The following AGPS variants were observed in gnomAD, a reference collection of about 807,000 sequenced individuals.
AGPS encodes alkyldihydroxyacetonephosphate synthase, peroxisomal.
Under a neutral mutation model 90.7 loss-of-function variants are expected in AGPS, and 26 were observed. The observed-to-expected ratio is 0.29, with a 90% confidence interval of 0.21 to 0.40. The LOEUF (loss-of-function observed/expected upper bound fraction) is 0.40. AGPS is among the 10% of genes least tolerant of loss of function. The pLI, the probability that AGPS is intolerant of heterozygous loss-of-function variation, is 1.00. For synonymous variants in AGPS, 294 were observed against 285.3 expected, an observed-to-expected ratio of 1.03 and a Z score of -0.31; for missense variants, 540 against 816.1, an observed-to-expected ratio of 0.66 and a Z score of 4.12.
chr2:177,534,546 C>G (rs74754224), intron 19 of AGPS, among the ~76,000 whole-genome samples: 1 of 97,994 alleles, frequency 1.0e-5, no homozygotes, highest in Non-Finnish European at 1.9e-5. Context: ...CAGCCCCCCA[C>G]CCCCCGCCCC....
chr2:177,525,406 G>A (rs1264081274), intron 19 of AGPS, among the ~76,000 whole-genome samples: 2 of 152,212 alleles, frequency 1.3e-5, no homozygotes, highest in East Asian at 1.9e-4. Context: ...CAGAGGAAGC[G>A]AAATGATTTA....
intron 3 of AGPS, among the ~76,000 whole-genome samples, chr2:177,435,024 T>TATATATAC (rs1686361550): frequency 6.8e-6 from 1 of 147,042 alleles, no homozygotes; most frequent in Non-Finnish European, 1.5e-5. Context: ...TATATATATA[T>TATATATAC]GTATGAAACT....
chr2:177,393,171 G>T (rs1559027527), intron 1 of AGPS, 122 bp downstream of exon 1: 3 of 1,546,370 alleles, frequency 1.9e-6, no homozygotes, highest in Non-Finnish European at 2.6e-6. Context: ...CCCGGTCCCT[G>T]AAAGTAGGGA....
In AGPS at chr2:177,538,150, A is replaced by G. The variant is rs867106522; in HGVS notation, c.1932A>G (p.Glu644=). The G allele has an allele frequency of 6.2e-7, 1 of 1,613,084 alleles. No homozygotes were observed. Among genetic ancestry groups the G allele is most frequent in the African/African-American group, 1.3e-5 (1 of 74,986 alleles). ...VGFGMLKSVK[E]YVDPNNIFGN... is the part of the protein sequence containing the mutation. ...TTGGGATGCTGAAGTCTGTCAAGGA[A>G]TATGTGGACCCCAATAACATCTTTG... Residue 644 remains glutamate, a synonymous_variant, in exon 20 of 20, where the codon GAA becomes GAG. Coordinates refer to ENST00000264167, the MANE Select transcript of AGPS (RefSeq NM_003659.4).
At chr2:177,411,442 A>G (rs1416694673) in intron 1 of AGPS, among the ~76,000 whole-genome samples, 1 of 152,070 alleles carries the variant, frequency 6.6e-6, no homozygotes, top group Non-Finnish European at 1.5e-5. Context: ...TGCAGCACCA[A>G]TCTCCATGTT....
intron 8 of AGPS, among the ~76,000 whole-genome samples, chr2:177,457,027 G>A (rs1017727619): frequency 2.3e-4 from 35 of 152,146 alleles, no homozygotes; most frequent in Non-Finnish European, 4.3e-4. Context: ...TAGAACTCAG[G>A]AATAAGAAAC....
At chr2:177,460,467 A>G (rs1217057357) in intron 8 of AGPS, among the ~76,000 whole-genome samples, 1 of 152,228 alleles carries the variant, frequency 6.6e-6, no homozygotes, top group Non-Finnish European at 1.5e-5. Context: ...CACTTAAAAA[A>G]TTAGTTAAAG....
At chr2:177,402,363 A>G (rs1191423856) in intron 1 of AGPS, among the ~76,000 whole-genome samples, 1 of 152,248 alleles carries the variant, frequency 6.6e-6, no homozygotes, top group Non-Finnish European at 1.5e-5. Flanking sequence ...GACTCAATTC[A>G]TATCCCCTCA....
chr2:177,474,840 G>A (rs1687735774), intron 10 of AGPS, among the ~76,000 whole-genome samples: 1 of 152,206 alleles, frequency 6.6e-6, no homozygotes, highest in Middle Eastern at 3.4e-3. Flanking sequence ...GTCCAATTTT[G>A]TCTTTGGCTT....
chr2:177,407,291 T>G (rs2105593310), intron 1 of AGPS, among the ~76,000 whole-genome samples: 1 of 152,214 alleles, frequency 6.6e-6, no homozygotes, highest in East Asian at 1.9e-4. Context: ...AAGAATAGAG[T>G]GCTAAAATAG....
intron 11 of AGPS, among the ~76,000 whole-genome samples, chr2:177,492,729 G>C (rs1418549802): frequency 6.6e-6 from 1 of 151,940 alleles, no homozygotes; most frequent in African/African-American, 2.4e-5. Flanking sequence ...TACCTTTACT[G>C]TGGATAAAAT....
At chr2:177,411,623 A>G (rs1162281091) in intron 1 of AGPS, among the ~76,000 whole-genome samples, 1 of 152,204 alleles carries the variant, frequency 6.6e-6, no homozygotes, top group East Asian at 1.9e-4. Context: ...TTAGTGTCTG[A>G]TCTAGCAGTA....
Position 177,513,615 on chromosome 2 carries a change from GA to G in AGPS, c.1608-198del, listed in dbSNP as rs1180420486. Among the ~76,000 whole-genome samples, 75 of 152,020 alleles carry G rather than the reference GA, an allele frequency of 4.9e-4. 2 individuals carry two copies. The highest frequency in any genetic ancestry group is 8.8e-5 in the Non-Finnish European group (6 of 67,990). On this transcript the variant is annotated intron_variant, in intron 16 of 19. Transcript: ENST00000264167. The stretch of plus-strand genomic sequence containing the variant: ...TTCTGTTTTCCTTAAGTCAAAAAAA[GA>G]AAAAACTTTCTTCTTTTTGAAGTTA...
At chr2:177,511,124 G>T (rs1244813445) in intron 16 of AGPS, among the ~76,000 whole-genome samples, 1 of 152,020 alleles carries the variant, frequency 6.6e-6, no homozygotes, top group Non-Finnish European at 1.5e-5. Context: ...GTTGAGATGG[G>T]ATCTCGCTCT....
intron 1 of AGPS, among the ~76,000 whole-genome samples, chr2:177,403,612 GA>G (rs2105589107): frequency 6.6e-6 from 1 of 152,202 alleles, no homozygotes; most frequent in South Asian, 2.1e-4. Context: ...TTTTGTTGCA[GA>G]AAAAAATAGA....
chr2:177,474,024 A>G (rs1036521558), intron 10 of AGPS, among the ~76,000 whole-genome samples: 1 of 152,258 alleles, frequency 6.6e-6, no homozygotes, highest in Non-Finnish European at 1.5e-5. Context: ...CTAGTACCTT[A>G]GAATTTTGAT....
chr2:177,526,657 C>T (rs575632760), intron 19 of AGPS, among the ~76,000 whole-genome samples: 6 of 152,214 alleles, frequency 3.9e-5, no homozygotes, highest in African/African-American at 1.2e-4. Context: ...AAATATTATA[C>T]CATTTCAAAA....
rs1686335959 is a variant in AGPS, at chr2:177,434,396, G to A, written c.420G>A (p.Val140=). ...EWIQNTLGVN[V]EHKTTSKASL... is the part of the protein sequence containing the mutation. ...TCCAAAATACCCTTGGAGTAAATGT[G>A]GAGCATAAAACTACCTCTAAAGTAA... is the stretch of plus-strand genomic sequence containing the variant. The change falls in exon 3 of 20, where the codon GTG becomes GTA. Residue 140 remains valine (V), a synonymous_variant. Coordinates refer to ENST00000264167, the MANE Select transcript of AGPS (RefSeq NM_003659.4). The A allele has an allele frequency of 6.2e-7, 1 of 1,612,206 alleles. No homozygotes were observed. The highest frequency in any genetic ancestry group is 1.3e-5 in the African/African-American group (1 of 74,866).
chr2:177,477,158 C>T (rs568631940), intron 10 of AGPS, among the ~76,000 whole-genome samples: 6 of 151,984 alleles, frequency 3.9e-5, no homozygotes, highest in African/African-American at 7.2e-5. Context: ...TTGGTATGGT[C>T]GGATTTATGT....
Sources: gnomAD v4.1 joint callset for allele counts (sites outside exome capture counted in the v4.1 genomes callset) on GRCh38, gnomAD v4.1.1 for gene constraint, MANE v1.5 for transcripts, NCBI Gene and HGNC (gene_info 2026-07-23, HGNC 2026-07-21) for gene names.